The following ARHGAP8 variants were observed in gnomAD, a reference collection of about 807,000 sequenced individuals.
The protein encoded by ARHGAP8 is Rho GTPase activating protein 8.
ARHGAP8 carries 62 observed loss-of-function variants against 46.1 expected under a neutral mutation model. The ratio of observed to expected loss-of-function variants is 1.34; its 90% CI spans 1.10 to 1.66. The LOEUF is 1.66. Ranked by LOEUF, ARHGAP8 falls within the 40% of genes most tolerant of loss-of-function variation. ARHGAP8 has a pLI of 0.00. For missense variants in ARHGAP8, 923 were observed against 568.4 expected (o/e 1.62, Z -6.34); for synonymous variants, 375 against 243.1 (o/e 1.54, Z -5.05).
intron 4 of ARHGAP8, among the ~76,000 whole-genome samples, chr22:44,810,027 C>T (rs1929221581): frequency 6.6e-6 from 1 of 152,122 alleles, no homozygotes; most frequent in South Asian, 2.1e-4. Context: ...GATGGCCTAG[C>T]CCCAGCGCAT....
chr22:44,755,643 G>GTGTC (rs769758208), intron 1 of ARHGAP8, among the ~76,000 whole-genome samples: 1 of 152,210 alleles, frequency 6.6e-6, no homozygotes, highest in Non-Finnish European at 1.5e-5. Flanking sequence ...GCAGCCTGTT[G>GTGTC]TGTCCAGATT....
At chr22:44,814,597 T>C in intron 4 of ARHGAP8, 75 bp from the exon 5 acceptor site, 5 of 1,269,384 alleles carry the variant, frequency 3.9e-6, no homozygotes, top group Non-Finnish European at 5.6e-6. Flanking sequence ...TGGAGGCAGC[T>C]GTTTCAGGGT....
intron 1 of ARHGAP8, among the ~76,000 whole-genome samples, chr22:44,759,332 G>A (rs1446394437): frequency 6.6e-6 from 1 of 152,224 alleles, no homozygotes; most frequent in African/African-American, 2.4e-5. Flanking sequence ...GGGCTGTGAT[G>A]GACCTGGGGG....
At chr22:44,824,502 C>A (rs947298370) in intron 6 of ARHGAP8, among the ~76,000 whole-genome samples, 2 of 152,228 alleles carry the variant, frequency 1.3e-5, no homozygotes, top group Non-Finnish European at 2.9e-5. Context: ...TGTGCCCCCC[C>A]ATCCTGTGGC....
chr22:44,849,394 C>T, intron 10 of ARHGAP8: 1 of 327,822 alleles, frequency 3.1e-6, no homozygotes, highest in South Asian at 3.4e-5. Context: ...TAACCGCTCC[C>T]AGGCCCCAGA....
intron 2 of ARHGAP8, among the ~76,000 whole-genome samples, chr22:44,790,704 AGGG>A (rs1231868010): frequency 7.4e-6 from 1 of 134,762 alleles, no homozygotes; most frequent in African/African-American, 2.8e-5. Flanking sequence ...AAAAAAGAGA[AGGG>A]GGAGCCCTGG....
intron 10 of ARHGAP8, among the ~76,000 whole-genome samples, chr22:44,854,059 A>AT (rs2070162017): frequency 7.0e-6 from 1 of 142,948 alleles, no homozygotes; most frequent in Non-Finnish European, 1.5e-5. Context: ...AAAAAAAAAA[A>AT]AAACCATCAG....
intron 1 of ARHGAP8, among the ~76,000 whole-genome samples, chr22:44,762,204 G>A (rs181946537): frequency 6.6e-6 from 1 of 152,362 alleles, no homozygotes; most frequent in African/African-American, 2.4e-5. Flanking sequence ...CCGGAAGGCT[G>A]AGATGGGAGG....
intron 10 of ARHGAP8, among the ~76,000 whole-genome samples, chr22:44,857,693 T>C (rs1038192340): frequency 6.6e-6 from 1 of 152,028 alleles, no homozygotes; most frequent in Non-Finnish European, 1.5e-5. Context: ...CATAGGATGA[T>C]CTCATGGCCT....
chr22:44,759,287 A>G (rs1358791445), intron 1 of ARHGAP8, among the ~76,000 whole-genome samples: 1 of 152,200 alleles, frequency 6.6e-6, no homozygotes, highest in East Asian at 1.9e-4. Flanking sequence ...TGATGGGTCA[A>G]GAAGAGCATA....
chr22:44,853,988 T>A (rs1287335255), intron 10 of ARHGAP8, among the ~76,000 whole-genome samples: 1 of 121,164 alleles, frequency 8.3e-6, no homozygotes, highest in African/African-American at 3.3e-5. Context: ...GATCTCACCA[T>A]TGCACTCCAG....
At chr22:44,809,264 T>C (rs1192857325) in intron 4 of ARHGAP8, 1 of 441,250 alleles carries the variant, frequency 2.3e-6, no homozygotes, top group East Asian at 7.2e-5. Context: ...TCACGTGTCA[T>C]GAAATATTCT....
At chr22:44,839,664 G>T (rs1220830153) in intron 7 of ARHGAP8, among the ~76,000 whole-genome samples, 2 of 152,188 alleles carry the variant, frequency 1.3e-5, no homozygotes, top group African/African-American at 4.8e-5. Flanking sequence ...TCTAACTTGG[G>T]CTCATGAAAC....
chr22:44,760,091 C>T (rs192765405), intron 1 of ARHGAP8, among the ~76,000 whole-genome samples: 2 of 152,348 alleles, frequency 1.3e-5, no homozygotes, highest in Admixed American at 6.5e-5. Flanking sequence ...ATGCAGGTCA[C>T]AGTCAGCTTG....
chr22:44,787,377 G>A (rs926803618), intron 2 of ARHGAP8, among the ~76,000 whole-genome samples: 3 of 151,526 alleles, frequency 2.0e-5, no homozygotes, highest in Non-Finnish European at 4.4e-5. Context: ...ACAGGGTTTC[G>A]CTCTGTCGCC....
At chr22:44,810,050 G>C (rs1929223738) in intron 4 of ARHGAP8, among the ~76,000 whole-genome samples, 1 of 152,110 alleles carries the variant, frequency 6.6e-6, no homozygotes, top group Non-Finnish European at 1.5e-5. Context: ...CCTCCTCCAG[G>C]AAGGCTTCCT....
At chr22:44,767,948 C>T (rs1040018347) in intron 1 of ARHGAP8, among the ~76,000 whole-genome samples, 7 of 141,488 alleles carry the variant, frequency 4.9e-5, no homozygotes, top group Non-Finnish European at 9.1e-5. Flanking sequence ...TAGAATGTCT[C>T]TCCTAGATTT....
At chr22:44,851,523 A>G (rs1390390510) in intron 10 of ARHGAP8, among the ~76,000 whole-genome samples, 2 of 151,812 alleles carry the variant, frequency 1.3e-5, no homozygotes, top group East Asian at 3.9e-4. Context: ...CTTTATGAAA[A>G]TGAAGAAAAT....
chr22:44,849,422 T>C (rs542792196), intron 10 of ARHGAP8: 28 of 280,692 alleles, frequency 1.0e-4, no homozygotes, highest in African/African-American at 6.1e-4. Context: ...CTCTCTCATC[T>C]AGAAAGGGCT....
Sources: allele counts gnomAD v4.1 joint callset (sites outside exome capture counted in the v4.1 genomes callset), GRCh38; gene constraint gnomAD v4.1.1; transcripts MANE v1.5; gene names NCBI Gene and HGNC (gene_info 2026-07-23, HGNC 2026-07-21).